Variants in ADGRG2 observed in about 807,000 individuals in gnomAD.
ADGRG2 encodes G protein-coupled receptor 64.
ADGRG2 carries 26 observed loss-of-function variants against 74.1 expected under a neutral mutation model. The observed-to-expected ratio is 0.35, with a 90% CI of 0.26 to 0.49. The LOEUF (loss-of-function observed/expected upper bound fraction) is 0.49, where lower values mean the gene tolerates loss of function less well. Among genes scored for constraint, ADGRG2 ranks in the 20% least tolerant of loss-of-function variants. The pLI is 0.99. For synonymous variants in ADGRG2, 296 were observed against 295.2 expected, an observed-to-expected ratio of 1.00 and a Z score of -0.03; for missense variants, 619 against 763.1, an observed-to-expected ratio of 0.81 and a Z score of 2.22.
intron 2 of ADGRG2, among the ~76,000 whole-genome samples, chrX:19,080,083 T>C (rs774050342): frequency 1.8e-5 from 2 of 110,322 alleles, no homozygotes. Flanking sequence ...CTAATTTTTG[T>C]ATTTTTAGTA....
Position 19,038,839 on chromosome X carries a change from G to A in ADGRG2, c.155-1203C>T, listed in dbSNP as rs1051733506. On this transcript the variant is annotated intron_variant, in intron 4 of 28. Transcript: ENST00000379869. ...AACAAGGTTTTGCAGATATCACCAT[G>A]ATTCAGTTTGCTAAGGACTATTCTA... Among the ~76,000 whole-genome samples, 4 of 111,647 alleles carry A rather than the reference G, an allele frequency of 3.6e-5. No homozygotes were observed. In the Admixed American group the frequency reaches 3.8e-4, roughly 11 times the overall value.
At chrX:19,079,478 G>A (rs1296477357) in intron 2 of ADGRG2, among the ~76,000 whole-genome samples, 1 of 112,081 alleles carries the variant, frequency 8.9e-6, no homozygotes, top group Non-Finnish European at 1.9e-5. Flanking sequence ...TGAAGATAAG[G>A]TCACCAAGAA....
chrX:19,028,582 T>C (rs961994874), intron 9 of ADGRG2, among the ~76,000 whole-genome samples: 1 of 110,878 alleles, frequency 9.0e-6, no homozygotes, highest in Non-Finnish European at 1.9e-5. Context: ...CTCTTTTGGC[T>C]TCCCTGAGTC....
At chrX:19,109,306 CAT>C (rs758028800) in intron 1 of ADGRG2, among the ~76,000 whole-genome samples, 2 of 111,707 alleles carry the variant, frequency 1.8e-5, no homozygotes, top group African/African-American at 3.3e-5. Context: ...ACCCCAAAAA[CAT>C]GTGGTATATT....
chrX:19,007,424 A>C (rs2060260193), intron 19 of ADGRG2, 67 bp from the exon 20 acceptor site: 1 of 987,510 alleles, frequency 1.0e-6, no homozygotes, highest in Non-Finnish European at 1.4e-6. Context: ...AGGAACACTA[A>C]GGAATATTCA....
At chrX:19,104,785 C>T (rs1021875810) in intron 1 of ADGRG2, among the ~76,000 whole-genome samples, 5 of 106,378 alleles carry the variant, frequency 4.7e-5, no homozygotes, top group Non-Finnish European at 9.7e-5. Context: ...GGGGTGGTGG[C>T]GGGTGCCTGT....
chrX:19,094,126 T>C lies in ADGRG2; in HGVS notation c.-46-11380A>G, dbSNP rs780385446. Reference sequence around the variant, plus strand: ...TGGATAGATCAACATAGAGTGTGGATAGATGGATATAGAGTATGGATAGAC... The same window carrying C: ...TGGATAGATCAACATAGAGTGTGGACAGATGGATATAGAGTATGGATAGAC... On this transcript the variant is annotated intron_variant, in intron 1 of 28. Coordinates refer to ENST00000379869, the MANE Select transcript of ADGRG2 (RefSeq NM_001079858.3). 9.9e-5 allele frequency among the ~76,000 whole-genome samples: 11 copies of C among 111,165 alleles called. No individual in the cohort carries two copies. In the East Asian group the frequency reaches 1.4e-3, roughly 14 times the overall value.
intron 3 of ADGRG2, among the ~76,000 whole-genome samples, chrX:19,050,096 A>G (rs1257226395): frequency 7.2e-5 from 8 of 111,437 alleles, no homozygotes; most frequent in Non-Finnish European, 1.1e-4. Context: ...CTGGAGTGCA[A>G]GTACTTTCTT....
Position 18,990,802 on chromosome X carries a change from A to G in ADGRG2, c.*62T>C, listed in dbSNP as rs2059908268. The stretch of plus-strand genomic sequence containing the variant: ...GATTTTCATACATCTCACATTGTGT[A>G]AAAGGTAAAATTGGACATTTCACAC... On this transcript the variant is annotated 3_prime_UTR_variant, in exon 29 of 29. Transcript: ENST00000379869. 1.2e-6 allele frequency: 1 copy of G among 832,803 alleles called. No homozygotes were observed. The highest frequency in any genetic ancestry group is 1.7e-6 in the Non-Finnish European group (1 of 590,156). 68.6% of individuals were successfully genotyped at this position (832,803 alleles called of 1,213,427 possible).
chrX:19,107,967 GCA>G, intron 1 of ADGRG2, among the ~76,000 whole-genome samples: 1 of 107,331 alleles, frequency 9.3e-6, no homozygotes, highest in Non-Finnish European at 1.9e-5. Context: ...AGGTGTGGTG[GCA>G]CGCACCTGTA....
At chrX:19,074,432 G>A (rs2061703985) in intron 2 of ADGRG2, among the ~76,000 whole-genome samples, 1 of 62,779 alleles carries the variant, frequency 1.6e-5, no homozygotes, top group Non-Finnish European at 2.9e-5. Context: ...TAGAGATGAA[G>A]TTTTACCATG....
chrX:19,010,725 C>T lies in ADGRG2; in HGVS notation c.1153G>A (p.Glu385Lys), dbSNP rs749729620. 8 of 1,201,269 alleles carry T rather than the reference C, an allele frequency of 6.7e-6. No individual in the cohort carries two copies. Among genetic ancestry groups the T allele is most frequent in the Non-Finnish European group, 9.0e-6 (8 of 888,516 alleles). The part of the protein sequence containing the change: ...SDLENQVLQM[E>K]KALSLGSLEP... ...AGGCTGCCCAAGGACAGAGCCTTCTCCATCTGCAACACTTGGTTCTCAAGA... is the reference window on the plus strand; with the variant it reads ...AGGCTGCCCAAGGACAGAGCCTTCTTCATCTGCAACACTTGGTTCTCAAGA... Residue 385 changes from glutamate (E) to lysine (K), a missense_variant, in exon 17 of 29, where the codon GAG (glutamate) becomes AAG (lysine). By Grantham distance (56) the Glu-to-Lys change is moderately conservative. This residue lies in a region of ADGRG2 where 292 missense variants were observed against 318.0 expected (regional missense o/e 0.92). Coordinates refer to ENST00000379869, the MANE Select transcript of ADGRG2 (RefSeq NM_001079858.3).
intron 2 of ADGRG2, among the ~76,000 whole-genome samples, chrX:19,075,733 C>G (rs1466285349): frequency 9.0e-6 from 1 of 110,817 alleles, no homozygotes; most frequent in African/African-American, 3.3e-5. Flanking sequence ...CAGTGGAAGT[C>G]TATCTGCAGT....
rs1307916596 is a variant in ADGRG2, at chrX:19,009,643, C to A, written c.1405G>T (p.Asp469Tyr). 8.3e-7 allele frequency: 1 copy of A among 1,207,412 alleles called. No homozygotes were observed. The highest frequency in any genetic ancestry group is 3.0e-5 in the East Asian group (1 of 33,765). The stretch of plus-strand genomic sequence containing the variant: ...TGATGTACCTGAAGATTTGCAGGGT[C>A]TTGGGCCACAAAGGTAGTTGTGTTG... ...SFNTTTFVAQ[D>Y]PANLQVSLET... Residue 469 changes from aspartate to tyrosine, a missense_variant, in exon 18 of 29, where the codon GAC becomes TAC. This residue lies in a region of ADGRG2 where 221 missense variants were observed against 340.6 expected (regional missense o/e 0.65). Coordinates refer to ENST00000379869, the MANE Select transcript of ADGRG2 (RefSeq NM_001079858.3).
At chrX:19,110,929 C>T (rs2062402244) in intron 1 of ADGRG2, among the ~76,000 whole-genome samples, 1 of 111,526 alleles carries the variant, frequency 9.0e-6, no homozygotes, top group African/African-American at 3.3e-5. Flanking sequence ...TAAGAAGATA[C>T]TCTAGCTGCC....
chrX:19,071,155 C>G (rs771066564), intron 2 of ADGRG2, among the ~76,000 whole-genome samples: 2 of 111,609 alleles, frequency 1.8e-5, no homozygotes, highest in Non-Finnish European at 3.8e-5. Flanking sequence ...TACTCATAAC[C>G]AGCACTAGGA....
rs754821150 is a variant in ADGRG2 at position 18,995,572 on chromosome X, C to T, written c.2716+479G>A. Among the ~76,000 whole-genome samples, 18 of 111,506 alleles carry T rather than the reference C, an allele frequency of 1.6e-4. 1 individual carries two copies. In the South Asian group the frequency reaches 4.8e-3, roughly 30 times the overall value. On this transcript the variant is annotated intron_variant, in intron 27 of 28. Transcript: ENST00000379869. ...TGAGCTATTTGCTCTACTACCCAAC[C>T]GGGTATATGTGAAAATCACTTCAAA...
intron 1 of ADGRG2, among the ~76,000 whole-genome samples, chrX:19,095,109 C>T (rs912522423): frequency 3.6e-5 from 4 of 111,932 alleles, no homozygotes; most frequent in Non-Finnish European, 7.5e-5. Flanking sequence ...GGCGTCTGGA[C>T]GCTGCCTTTT....
chrX:19,033,681 A>G lies in ADGRG2; in HGVS notation c.263-27T>C, dbSNP rs753797201. 9.5e-6 allele frequency: 6 copies of G among 633,944 alleles called. No individual in the cohort carries two copies. In the African/African-American group the frequency reaches 1.1e-4, roughly 12 times the overall value. The allele number at this position is 633,944 out of a possible 1,213,427, so 52.2% of individuals were successfully genotyped here. On this transcript the variant is annotated intron_variant, in intron 7 of 28. Coordinates refer to ENST00000379869, the MANE Select transcript of ADGRG2 (RefSeq NM_001079858.3). ...TGCAAAGAAACAACTTAAATATTAG[A>G]GAATAATCATTGCTTGTTTTTTAAA...
Sources: gnomAD v4.1 joint callset for allele counts (sites outside exome capture counted in the v4.1 genomes callset) on GRCh38, gnomAD v4.1.1 for gene constraint, gnomAD v4.1.1 regional missense constraint, MANE v1.5 for transcripts, NCBI Gene and HGNC (gene_info 2026-07-23, HGNC 2026-07-21) for gene names.